LRFN5: variants seen among roughly 807,000 people sequenced by gnomAD.
The protein encoded by LRFN5 is leucine-rich repeat and fibronectin type-III domain-containing protein 5.
Under a neutral mutation model 45.6 loss-of-function variants are expected in LRFN5, and 24 were observed. That is an observed-to-expected ratio of 0.53 (90% CI 0.38 to 0.74). The LOEUF is 0.74. Ranked by LOEUF, LRFN5 falls within the 30% of genes least tolerant of loss-of-function variation. LRFN5 has a pLI of 0.00. For missense variants in LRFN5, 776 were observed against 861.5 expected (o/e 0.90, Z 1.24); for synonymous variants, 340 against 313.8 (o/e 1.08, Z -0.88).
At position 41,891,904 on chromosome 14, in the gene LRFN5, C is replaced by T. The variant is rs377068056; in HGVS notation, c.2040C>T (p.Ser680=). The change falls in exon 4 of 6, where the codon AGC becomes AGT. Residue 680 remains serine, a synonymous_variant. Coordinates refer to ENST00000298119, the MANE Select transcript of LRFN5 (RefSeq NM_152447.5). ...RNNSTALQLA[S]RPPDSVTEGP... is the part of the protein sequence containing the mutation. ...ACTCAACTGCCTTGCAGTTAGCTAG[C>T]CGTCCTCCCGATTCTGTCACAGAGG... 1.3e-4 allele frequency: 215 copies of T among 1,614,006 alleles called. 1 individual carries two copies. The highest frequency in any genetic ancestry group is 1.6e-4 in the Middle Eastern group (1 of 6,084).
intron 2 of LRFN5, among the ~76,000 whole-genome samples, chr14:41,823,057 C>A (rs1348712869): frequency 6.6e-6 from 1 of 151,654 alleles, no homozygotes; most frequent in Non-Finnish European, 1.5e-5. Flanking sequence ...TTCTTGTAAG[C>A]AGCATATGGT....
chr14:41,667,934 C>G (rs1594596498), intron 1 of LRFN5, among the ~76,000 whole-genome samples: 1 of 152,070 alleles, frequency 6.6e-6, no homozygotes, highest in East Asian at 1.9e-4. Flanking sequence ...CTTAGGAGAT[C>G]CCTGCATACC....
chr14:41,755,126 G>A (rs982983737), intron 1 of LRFN5, among the ~76,000 whole-genome samples: 11 of 152,134 alleles, frequency 7.2e-5, no homozygotes, highest in Admixed American at 2.0e-4. Context: ...TGTGGTCTGC[G>A]AGACAGTTTG....
chr14:41,792,724 C>A (rs1886971499), intron 2 of LRFN5, among the ~76,000 whole-genome samples: 2 of 151,914 alleles, frequency 1.3e-5, no homozygotes, highest in Admixed American at 1.3e-4. Flanking sequence ...TTATTCTGTT[C>A]TTTTTCAAAG....
intron 1 of LRFN5, among the ~76,000 whole-genome samples, chr14:41,754,455 T>C (rs1163911146): frequency 6.6e-6 from 1 of 152,156 alleles, no homozygotes; most frequent in Non-Finnish European, 1.5e-5. Context: ...TTGTTATTGG[T>C]CTATTCAGAG....
At chr14:41,696,562 A>T (rs199678731) in intron 1 of LRFN5, among the ~76,000 whole-genome samples, 1 of 39,738 alleles carries the variant, frequency 2.5e-5, no homozygotes, top group Non-Finnish European at 3.9e-5. Flanking sequence ...ATCTGTTGAT[A>T]TCTATTCATT....
At chr14:41,768,079 TA>T (rs967818289) in intron 2 of LRFN5, among the ~76,000 whole-genome samples, 1 of 152,196 alleles carries the variant, frequency 6.6e-6, no homozygotes, top group African/African-American at 2.4e-5. Flanking sequence ...GCTTGGCAGT[TA>T]AAATTTTCTT....
intron 2 of LRFN5, among the ~76,000 whole-genome samples, chr14:41,865,312 G>T (rs559542606): frequency 3.1e-3 from 466 of 151,986 alleles, no homozygotes; most frequent in Non-Finnish European, 5.7e-3. Context: ...ACATATAAAT[G>T]GAATTGTATT....
intron 2 of LRFN5, among the ~76,000 whole-genome samples, chr14:41,880,113 G>C (rs1437176458): frequency 1.3e-5 from 2 of 151,320 alleles, no homozygotes; most frequent in Admixed American, 1.3e-4. Context: ...ATTTTTAGTA[G>C]AGATGGGGTT....
chr14:41,651,850 A>G (rs1200513564), intron 1 of LRFN5, among the ~76,000 whole-genome samples: 1 of 152,138 alleles, frequency 6.6e-6, no homozygotes, highest in Non-Finnish European at 1.5e-5. Flanking sequence ...TACAAGAACA[A>G]CGTGTTGGCA....
At chr14:41,769,398 A>C (rs1199442935) in intron 2 of LRFN5, among the ~76,000 whole-genome samples, 1 of 152,172 alleles carries the variant, frequency 6.6e-6, no homozygotes, top group East Asian at 1.9e-4. Flanking sequence ...TCACTTGACA[A>C]AAGTATTGAT....
At chr14:41,665,343 G>T (rs1880848063) in intron 1 of LRFN5, among the ~76,000 whole-genome samples, 1 of 151,910 alleles carries the variant, frequency 6.6e-6, no homozygotes, top group African/African-American at 2.4e-5. Flanking sequence ...TTATATAAGG[G>T]ATTAACAAAT....
intron 2 of LRFN5, among the ~76,000 whole-genome samples, chr14:41,879,233 G>A (rs1006653848): frequency 1.3e-5 from 2 of 151,924 alleles, no homozygotes; most frequent in African/African-American, 4.8e-5. Context: ...ACAAAGTTAA[G>A]AAGATTTATG....
At chr14:41,626,945 A>G (rs1888355821) in intron 1 of LRFN5, among the ~76,000 whole-genome samples, 1 of 152,114 alleles carries the variant, frequency 6.6e-6, no homozygotes, top group African/African-American at 2.4e-5. Context: ...TTTTGAAAAC[A>G]TTTTATGTCA....
At chr14:41,826,359 A>G (rs1290334396) in intron 2 of LRFN5, among the ~76,000 whole-genome samples, 3 of 152,126 alleles carry the variant, frequency 2.0e-5, no homozygotes, top group Non-Finnish European at 4.4e-5. Flanking sequence ...AGCTCTTCAA[A>G]TGTCATCTAT....
At chr14:41,810,930 G>A (rs1196666496) in intron 2 of LRFN5, among the ~76,000 whole-genome samples, 1 of 62,674 alleles carries the variant, frequency 1.6e-5, no homozygotes, top group African/African-American at 8.0e-5. Context: ...TGATGGTTGT[G>A]GTTTTTTTAT....
chr14:41,747,165 CT>C (rs1210488254), intron 1 of LRFN5, among the ~76,000 whole-genome samples: 1 of 151,928 alleles, frequency 6.6e-6, no homozygotes, highest in East Asian at 1.9e-4. Flanking sequence ...ATTCTGATTA[CT>C]TTGTTGAAGA....
intron 1 of LRFN5, among the ~76,000 whole-genome samples, chr14:41,633,802 G>A (rs937953389): frequency 6.6e-6 from 1 of 152,036 alleles, no homozygotes; most frequent in African/African-American, 2.4e-5. Context: ...GTAATTATGT[G>A]CACACCTAAA....
chr14:41,813,493 C>T (rs1887808725), intron 2 of LRFN5, among the ~76,000 whole-genome samples: 1 of 152,134 alleles, frequency 6.6e-6, no homozygotes, highest in Non-Finnish European at 1.5e-5. Context: ...TGGTTTCCAG[C>T]TTCATCCATG....
Sources: allele counts gnomAD v4.1 joint callset (sites outside exome capture counted in the v4.1 genomes callset), GRCh38; gene constraint gnomAD v4.1.1; transcripts MANE v1.5; gene names NCBI Gene and HGNC (gene_info 2026-07-23, HGNC 2026-07-21).